SSR1: variants seen among roughly 807,000 people sequenced by gnomAD.
The protein encoded by SSR1 is signal sequence receptor subunit 1, also known as translocon-associated protein subunit alpha.
Under a neutral mutation model 36.1 loss-of-function variants are expected in SSR1, and 13 were observed. That is an observed-to-expected ratio of 0.36 (90% CI 0.23 to 0.57). SSR1 has a LOEUF of 0.57. Ranked by LOEUF, SSR1 falls within the 20% of genes least tolerant of loss-of-function variation. SSR1 has a pLI of 0.81. For missense variants in SSR1, 291 were observed against 338.5 expected, an observed-to-expected ratio of 0.86 and a Z score of 1.10; for synonymous variants, 113 against 118.9, an observed-to-expected ratio of 0.95 and a Z score of 0.32.
At chr6:7,289,963 T>C (rs1457494383) in intron 7 of SSR1, 32 bp from the exon 8 acceptor site, 2 of 1,509,394 alleles carry the variant, frequency 1.3e-6, no homozygotes, top group Middle Eastern at 1.7e-4. Flanking sequence ...TAAGCTTGCC[T>C]ATTATAAGTA....
intron 1 of SSR1, 30 bp downstream of exon 1, chr6:7,313,012 C>T: frequency 6.3e-7 from 1 of 1,574,942 alleles, no homozygotes; most frequent in African/African-American, 1.4e-5. Flanking sequence ...CCTTCCTGGC[C>T]ATCCCCTCCG....
chr6:7,299,637 G>T (rs9502591), intron 4 of SSR1, among the ~76,000 whole-genome samples: 275 of 151,222 alleles, frequency 1.8e-3, no homozygotes, highest in African/African-American at 5.4e-3. Context: ...GGCAGAGGTT[G>T]TGATGAGCCG....
At chr6:7,296,355 T>A (rs1757794065) in intron 6 of SSR1, among the ~76,000 whole-genome samples, 14 of 152,200 alleles carry the variant, frequency 9.2e-5, no homozygotes, top group Admixed American at 9.2e-4. Context: ...CAGTTATACC[T>A]AATATACAAA....
At chr6:7,311,896 T>G (rs1581640068) in intron 1 of SSR1, among the ~76,000 whole-genome samples, 2 of 152,352 alleles carry the variant, frequency 1.3e-5, no homozygotes, top group Middle Eastern at 6.8e-3. Context: ...ATTTGTCAAG[T>G]TTTCTTTTAA....
chr6:7,308,920 G>A (rs1356973353), intron 2 of SSR1, among the ~76,000 whole-genome samples: 1 of 152,150 alleles, frequency 6.6e-6, no homozygotes, highest in African/African-American at 2.4e-5. Context: ...AGTCAGAAAA[G>A]GAAGCAGCAG....
intron 4 of SSR1, among the ~76,000 whole-genome samples, chr6:7,299,502 C>T (rs1757881644): frequency 6.6e-6 from 1 of 152,058 alleles, no homozygotes; most frequent in African/African-American, 2.4e-5. Flanking sequence ...AGTTCAAGAC[C>T]AGCCTGGCCA....
At chr6:7,296,823 C>G (rs1757807536) in intron 6 of SSR1, 1 of 153,116 alleles carries the variant, frequency 6.5e-6, no homozygotes, top group Admixed American at 6.5e-5. Context: ...CATTTTATTA[C>G]TCTAACCACA....
At chr6:7,295,623 C>T in intron 6 of SSR1, 138 bp from the exon 7 acceptor site, 1 of 569,364 alleles carries the variant, frequency 1.8e-6, no homozygotes, top group Non-Finnish European at 3.0e-6. Context: ...CCTGCCTGAG[C>T]CTCCCAAGTA....
chr6:7,289,833 G>A lies in SSR1; in HGVS notation c.*31C>T, dbSNP rs1757642995. The A allele has an allele frequency of 6.4e-7, 1 of 1,565,732 alleles. No individual in the cohort carries two copies. Among genetic ancestry groups the A allele is most frequent in the African/African-American group, 1.4e-5 (1 of 71,502 alleles). On this transcript the variant is annotated 3_prime_UTR_variant, in exon 8 of 8. Coordinates refer to ENST00000244763, the MANE Select transcript of SSR1 (RefSeq NM_003144.5). ...GCCGAAAAATATTAGGGCAGGTTAA[G>A]TAAAGACCGAATTGTTGCACAAAGG... is the stretch of plus-strand genomic sequence containing the variant.
intron 2 of SSR1, 45 bp downstream of exon 2, chr6:7,309,872 C>T (rs1758149821): frequency 3.6e-6 from 5 of 1,391,440 alleles, no homozygotes; most frequent in Non-Finnish European, 5.1e-6. Context: ...CAGATGAATA[C>T]AATTACATAC....
Position 7,295,382 on chromosome 6 carries a change from G to A in SSR1, c.793+10C>T. On this transcript the variant is annotated intron_variant, in intron 7 of 7. Coordinates refer to ENST00000244763, the MANE Select transcript of SSR1 (RefSeq NM_003144.5). The stretch of plus-strand genomic sequence containing the variant: ...AAAAACTTCCCAGCCAAGTCTGTAA[G>A]ACTACTTACTGATTTGATTCAATGT... 6.3e-7 allele frequency: 1 copy of A among 1,597,568 alleles called. No homozygotes were observed. Among genetic ancestry groups the A allele is most frequent in the Non-Finnish European group, 8.6e-7 (1 of 1,169,160 alleles).
Position 7,284,435 on chromosome 6 carries a change from A to G in SSR1, c.*5429T>C, listed in dbSNP as rs1041616563. The G allele has an allele frequency of 9.2e-5, 14 of 152,148 alleles. No individual in the cohort carries two copies. Among genetic ancestry groups the G allele is most frequent in the African/African-American group, 2.9e-4 (12 of 41,430 alleles). 9.4% of individuals were successfully genotyped at this position (152,148 alleles called of 1,614,324 possible). On this transcript the variant is annotated 3_prime_UTR_variant, in exon 8 of 8. Transcript: ENST00000244763. ...ATACTATGTAGCTTACATATTCAGA[A>G]TTTACCTACTACCCCACCACATCAA...
Position 7,287,312 on chromosome 6 carries a change from A to G in SSR1, c.*2552T>C, listed in dbSNP as rs1482655723. ...GCACTTTTAAGGCAGTAGTTCTTCC[A>G]TATTTTTTAAGGTCTAAATTTGCCC... On this transcript the variant is annotated 3_prime_UTR_variant, in exon 8 of 8. Coordinates refer to ENST00000244763, the MANE Select transcript of SSR1 (RefSeq NM_003144.5). 1 of 152,334 alleles carries G rather than the reference A, an allele frequency of 6.6e-6. No individual in the cohort carries two copies. Among genetic ancestry groups the G allele is most frequent in the East Asian group, 1.9e-4 (1 of 5,190 alleles). 9.4% of individuals were successfully genotyped at this position (152,334 alleles called of 1,614,324 possible). A position where few individuals can be genotyped will look rare whatever the true frequency, so the allele number is the denominator to read the frequency against.
intron 4 of SSR1, 164 bp from the exon 5 acceptor site, chr6:7,298,987 T>G: frequency 1.7e-6 from 1 of 600,196 alleles, no homozygotes; most frequent in Non-Finnish European, 2.9e-6. Context: ...TGGCAGGGAC[T>G]CAACATTGTT....
At chr6:7,309,769 G>A (rs1303646811) in intron 2 of SSR1, 148 bp downstream of exon 2, 21 of 673,388 alleles carry the variant, frequency 3.1e-5, no homozygotes, top group Middle Eastern at 5.5e-4. Context: ...GTTTCCTGAG[G>A]CCTCCCCAGT....
At chr6:7,303,376 G>C (rs1757981954) in intron 3 of SSR1, among the ~76,000 whole-genome samples, 174 bp downstream of exon 3, 1 of 151,986 alleles carries the variant, frequency 6.6e-6, no homozygotes, top group South Asian at 2.1e-4. Flanking sequence ...AAACTAGGTA[G>C]TATTTATTTT....
intron 7 of SSR1, among the ~76,000 whole-genome samples, chr6:7,290,278 G>A (rs1182800221): frequency 6.6e-6 from 1 of 152,190 alleles, no homozygotes; most frequent in Non-Finnish European, 1.5e-5. Context: ...TGCTGATTTT[G>A]TATTTACAAA....
intron 4 of SSR1, among the ~76,000 whole-genome samples, chr6:7,301,030 T>G (rs578095708): frequency 1.5e-3 from 227 of 152,298 alleles, no homozygotes; most frequent in African/African-American, 5.3e-3. Flanking sequence ...TAGCTTTACT[T>G]ACATCTCCAT....
At chr6:7,305,303 ATGAAACTATCC>A (rs1321058103) in intron 2 of SSR1, among the ~76,000 whole-genome samples, 1 of 152,244 alleles carries the variant, frequency 6.6e-6, no homozygotes, top group Non-Finnish European at 1.5e-5. Flanking sequence ...GAGCATTCAG[ATGAAACTATCC>A]TGTGAAGAGC....
Sources: gnomAD v4.1 joint callset for allele counts (sites outside exome capture counted in the v4.1 genomes callset) on GRCh38, gnomAD v4.1.1 for gene constraint, MANE v1.5 for transcripts, NCBI Gene and HGNC (gene_info 2026-07-23, HGNC 2026-07-21) for gene names.